Variants in NAT10 observed in about 807,000 individuals in gnomAD.
NAT10 encodes the protein N-acetyltransferase 10, also known as RNA cytidine acetyltransferase.
NAT10 carries 109 observed loss-of-function variants against 132.2 expected under a neutral mutation model. That is an observed-to-expected ratio of 0.82 (90% confidence interval 0.71 to 0.97). NAT10 has a LOEUF of 0.97. Ranked by LOEUF, NAT10 falls within the 50% of genes least tolerant of loss-of-function variation. The probability of loss-of-function intolerance (pLI) is 0.00; values close to 1 mark genes in which losing one functional copy is unlikely to be tolerated. For synonymous variants in NAT10, 479 were observed against 478.0 expected (o/e 1.00, Z -0.03); for missense variants, 1,184 against 1,263.4 (o/e 0.94, Z 0.95).
chr11:34,107,615 A>G (rs575794639), intron 1 of NAT10, among the ~76,000 whole-genome samples: 21 of 152,332 alleles, frequency 1.4e-4, no homozygotes, highest in Non-Finnish European at 2.8e-4. Flanking sequence ...ATAAGCATCT[A>G]TATCCATATC....
At chr11:34,114,684 T>C (rs1054392182) in intron 5 of NAT10, among the ~76,000 whole-genome samples, 1 of 152,158 alleles carries the variant, frequency 6.6e-6, no homozygotes, top group Non-Finnish European at 1.5e-5. Flanking sequence ...GCTTCCTCAT[T>C]GCATTCAAGC....
intron 3 of NAT10, among the ~76,000 whole-genome samples, chr11:34,111,809 T>C (rs1306089753): frequency 6.6e-6 from 1 of 152,220 alleles, no homozygotes; most frequent in Non-Finnish European, 1.5e-5. Flanking sequence ...AAGTATTTGC[T>C]CAAGGTCACA....
At chr11:34,118,550 G>T (rs368112604) in intron 8 of NAT10, 47 bp downstream of exon 8, 1 of 1,506,104 alleles carries the variant, frequency 6.6e-7, no homozygotes, top group African/African-American at 1.4e-5. Context: ...GTAAAACATA[G>T]CATACGGAGC....
chr11:34,139,434 C>G lies in NAT10; in HGVS notation c.2358C>G (p.Phe786Leu). 6.2e-7 allele frequency: 1 copy of G among 1,614,206 alleles called. No individual in the cohort carries two copies. The highest frequency in any genetic ancestry group is 8.5e-7 in the Non-Finnish European group (1 of 1,180,032). ...LALLSYQFST[F>L]SPSLALNIIQ... ...TGCTCTCCTACCAGTTCAGTACCTT[C>G]TCTCCTTCCCTGGCTCTGAACATCA... Residue 786 changes from phenylalanine to leucine, a missense_variant, in exon 23 of 29, where the codon TTC becomes TTG. Coordinates refer to ENST00000257829, the MANE Select transcript of NAT10 (RefSeq NM_024662.3).
At chr11:34,133,318 A>G (rs1258934191) in intron 16 of NAT10, among the ~76,000 whole-genome samples, 176 bp downstream of exon 16, 1 of 152,204 alleles carries the variant, frequency 6.6e-6, no homozygotes, top group African/African-American at 2.4e-5. Context: ...GGTTAGCGCC[A>G]CTAGACACCC....
rs1349376757 is a variant in NAT10, at chr11:34,139,292, C to T, written c.2308+5C>T. 1 of 1,613,778 alleles carries T rather than the reference C, an allele frequency of 6.2e-7. No homozygotes were observed. Among genetic ancestry groups the T allele is most frequent in the East Asian group, 2.2e-5 (1 of 44,850 alleles). ...GGCTTGCAGCCTTCTGGAAAGGTGA[C>T]TGAGGAGTAGGGGTTTGGGGGAGAC... On this transcript the variant is annotated splice_donor_5th_base_variant and intron_variant, in intron 22 of 28. Transcript: ENST00000257829.
At chr11:34,108,450 T>C (rs894270000) in intron 2 of NAT10, 117 bp downstream of exon 2, 1 of 823,882 alleles carries the variant, frequency 1.2e-6, no homozygotes. Context: ...GCTGGTAAGA[T>C]GCCTAGTGGG....
intron 1 of NAT10, 97 bp from the exon 2 acceptor site, chr11:34,108,114 T>TA (rs1851627954): frequency 2.7e-6 from 2 of 743,228 alleles, no homozygotes; most frequent in Non-Finnish European, 4.7e-6. Context: ...TACTTATAGA[T>TA]ATGCCTAGCA....
intron 1 of NAT10, among the ~76,000 whole-genome samples, chr11:34,107,843 C>G (rs991835025): frequency 1.3e-5 from 2 of 152,242 alleles, no homozygotes; most frequent in Non-Finnish European, 2.9e-5. Context: ...CCATTGCACT[C>G]CAGCCTGGCG....
In NAT10 at chr11:34,124,327, A is replaced by G. The variant is rs554970145; in HGVS notation, c.1034A>G (p.Gln345Arg). ...GAACATCTGGATTATGAGATTATCC[A>G]GTCTCTAAATCCTGAATTTAACAAA... ...YQEHLDYEII[Q>R]SLNPEFNKAV... Residue 345 changes from glutamine to arginine, a missense_variant, in exon 11 of 29, where the codon CAG becomes CGG. Physicochemically the swap from Gln to Arg is conservative, Grantham distance 43. Coordinates refer to ENST00000257829, the MANE Select transcript of NAT10 (RefSeq NM_024662.3). 4.3e-6 allele frequency: 7 copies of G among 1,613,702 alleles called. No individual in the cohort carries two copies. Among genetic ancestry groups the G allele is most frequent in the Non-Finnish European group, 5.9e-6 (7 of 1,179,734 alleles).
At position 34,108,766 on chromosome 11, in the gene NAT10, T is replaced by C; in HGVS notation, c.133T>C (p.Ser45Pro). ...GGTGGTAATACTTCATCACATGTTA[T>C]CCAAAGCAACTGTGAAGGCTCGGCC... is the stretch of plus-strand genomic sequence containing the variant. ...DQVVILHHMLSKATVKARPSV... is the reference protein window; with the variant it reads ...DQVVILHHMLPKATVKARPSV... Residue 45 changes from serine (S) to proline (P), a missense_variant, in exon 3 of 29, where the codon TCC (serine) becomes CCC (proline). Ser to Pro is a moderately conservative substitution (Grantham distance 74). Coordinates refer to ENST00000257829, the MANE Select transcript of NAT10 (RefSeq NM_024662.3). 6.2e-7 allele frequency: 1 copy of C among 1,613,626 alleles called. No individual in the cohort carries two copies. Among genetic ancestry groups the C allele is most frequent in the Non-Finnish European group, 8.5e-7 (1 of 1,179,876 alleles).
chr11:34,119,270 T>C lies in NAT10; in HGVS notation c.780+767T>C, dbSNP rs374028706. ...GGGCACAGCCCAGAGGTCTTTGAACTGTCAGGTGTGTTCAGGGTTCTAGGT... is the reference window on the plus strand; with the variant it reads ...GGGCACAGCCCAGAGGTCTTTGAACCGTCAGGTGTGTTCAGGGTTCTAGGT... On this transcript the variant is annotated intron_variant, in intron 8 of 28. Coordinates refer to ENST00000257829, the MANE Select transcript of NAT10 (RefSeq NM_024662.3). 3.8e-4 allele frequency among the ~76,000 whole-genome samples: 58 copies of C among 152,342 alleles called. 1 individual carries two copies. The East Asian group carries it at 0.011, about 29-fold the overall frequency.
At chr11:34,144,975 C>A (rs1282044110) in intron 28 of NAT10, among the ~76,000 whole-genome samples, 2 of 152,238 alleles carry the variant, frequency 1.3e-5, no homozygotes, top group African/African-American at 4.8e-5. Context: ...CTTGAAGGAT[C>A]CAGCATCGAT....
At chr11:34,134,296 G>A in intron 16 of NAT10, 23 bp from the exon 17 acceptor site, 1 of 1,604,500 alleles carries the variant, frequency 6.2e-7, no homozygotes. Flanking sequence ...CTTTCTGCCT[G>A]CACTGTCCTG....
Position 34,146,181 on chromosome 11 carries a change from C to G in NAT10, c.3067C>G (p.Arg1023Gly). The change falls in exon 29 of 29, where the codon CGG becomes GGG. Residue 1023 changes from arginine to glycine, a missense_variant. Coordinates refer to ENST00000257829, the MANE Select transcript of NAT10 (RefSeq NM_024662.3). ...TKNKKDMKLK[R>G]KK is the part of the protein sequence containing the mutation. ...GAACAAAAAAGATATGAAACTGAAG[C>G]GGAAGAAATAGTGAAGAGAAACTCG... 1.9e-6 allele frequency: 3 copies of G among 1,600,178 alleles called. No homozygotes were observed. The South Asian group carries it at 3.4e-5, about 18-fold the overall frequency.
At position 34,138,208 on chromosome 11, in the gene NAT10, G is replaced by A. The variant is rs181750145; in HGVS notation, c.2212-983G>A. Among the ~76,000 whole-genome samples the A allele has an allele frequency of 7.7e-4, 118 of 152,278 alleles. 2 individuals are homozygous for A. The Middle Eastern group carries it at 0.01, about 13-fold the overall frequency. ...GTGGTGGGTGGGACTCGAGATTCAGGAAGAGAGGTGACCACCTACTTCATC... is the reference window on the plus strand; with the variant it reads ...GTGGTGGGTGGGACTCGAGATTCAGAAAGAGAGGTGACCACCTACTTCATC... On this transcript the variant is annotated intron_variant, in intron 21 of 28. Coordinates refer to ENST00000257829, the MANE Select transcript of NAT10 (RefSeq NM_024662.3).
intron 20 of NAT10, 27 bp downstream of exon 20, chr11:34,136,802 A>C (rs757303245): frequency 5.2e-5 from 84 of 1,613,888 alleles, no homozygotes; most frequent in Non-Finnish European, 5.4e-5. Flanking sequence ...CTTCCACGGC[A>C]TCACTCCTTG....
chr11:34,120,760 G>A (rs377204185), intron 8 of NAT10, among the ~76,000 whole-genome samples: 3 of 152,234 alleles, frequency 2.0e-5, no homozygotes, highest in Admixed American at 6.5e-5. Context: ...TGGTGAAGCA[G>A]AAGATGCTAC....
At chr11:34,105,821 A>C (rs1163772505) in intron 1 of NAT10, 29 bp downstream of exon 1, 1 of 152,350 alleles carries the variant, frequency 6.6e-6, no homozygotes, top group Non-Finnish European at 1.5e-5. Context: ...CCGGGTATGG[A>C]TGCCAAGATC....
Sources: gnomAD v4.1 joint callset for allele counts (sites outside exome capture counted in the v4.1 genomes callset) on GRCh38, gnomAD v4.1.1 for gene constraint, MANE v1.5 for transcripts, NCBI Gene and HGNC (gene_info 2026-07-23, HGNC 2026-07-21) for gene names.